The following KIF13A variants were observed in gnomAD, a reference collection of about 807,000 sequenced individuals.
KIF13A encodes kinesin-like protein KIF13A.
Under a neutral mutation model 212.2 loss-of-function variants are expected in KIF13A, and 79 were observed. The observed-to-expected ratio is 0.37, with a 90% confidence interval of 0.31 to 0.45. KIF13A has a LOEUF of 0.45. KIF13A is among the 20% of genes least tolerant of loss of function. The probability of loss-of-function intolerance (pLI) is 1.00; values close to 1 mark genes in which losing one functional copy is unlikely to be tolerated. For synonymous variants in KIF13A, 789 were observed against 808.6 expected (o/e 0.98, Z 0.41); for missense variants, 1,901 against 2,209.0 (o/e 0.86, Z 2.79).
intron 2 of KIF13A, among the ~76,000 whole-genome samples, chr6:17,966,786 CAAT>C (rs1019896936): frequency 2.6e-5 from 4 of 152,000 alleles, no homozygotes; most frequent in African/African-American, 4.8e-5. Context: ...ATTGCACGAA[CAAT>C]AATAACACAC....
At chr6:17,975,065 T>C (rs1313029431) in intron 2 of KIF13A, among the ~76,000 whole-genome samples, 1 of 152,108 alleles carries the variant, frequency 6.6e-6, no homozygotes, top group Non-Finnish European at 1.5e-5. Flanking sequence ...CATTCCCAGC[T>C]GGGCGCAGTG....
At chr6:17,903,552 T>C (rs1773234358) in intron 2 of KIF13A, among the ~76,000 whole-genome samples, 2 of 152,118 alleles carry the variant, frequency 1.3e-5, no homozygotes, top group African/African-American at 4.8e-5. Flanking sequence ...ACTTTTGAAA[T>C]ATATATTTAT....
intron 4 of KIF13A, among the ~76,000 whole-genome samples, chr6:17,869,629 T>C (rs1164987052): frequency 3.7e-5 from 2 of 54,492 alleles, no homozygotes; most frequent in African/African-American, 2.4e-4. Flanking sequence ...CCCACTACAA[T>C]GCCATTATAC....
chr6:17,769,268 TGA>T lies in KIF13A; in HGVS notation c.4581+1844_4581+1845del, dbSNP rs1356812266. ...GCACTTAATCTCTACCAAAACACCT[TGA>T]AAAACTGCTGTCTGGAATGAATTAA... is the stretch of plus-strand genomic sequence containing the variant. On this transcript the variant is annotated intron_variant, in intron 38 of 38. Coordinates refer to ENST00000259711, the MANE Select transcript of KIF13A (RefSeq NM_022113.6). This position sits in a 1 kb window ranked among gnomAD's most constrained non-coding sequence, Gnocchi z 5.8. Among the ~76,000 whole-genome samples the T allele has an allele frequency of 3.9e-5, 6 of 152,328 alleles. No homozygotes were observed. In the East Asian group the frequency reaches 5.8e-4, roughly 15 times the overall value.
In KIF13A at chr6:17,785,775, G is replaced by C; in HGVS notation, c.3362-134C>G. 2 of 921,054 alleles carry C rather than the reference G, an allele frequency of 2.2e-6. No individual in the cohort carries two copies. The highest frequency in any genetic ancestry group is 1.6e-6 in the Non-Finnish European group (1 of 608,488). 57.1% of individuals were successfully genotyped at this position (921,054 alleles called of 1,614,324 possible). On this transcript the variant is annotated intron_variant, in intron 27 of 38. Coordinates refer to ENST00000259711, the MANE Select transcript of KIF13A (RefSeq NM_022113.6). The surrounding 1 kb of genome is among the most constrained non-coding windows in gnomAD (Gnocchi z 5.8). ...CAAAAAAAAAAAAATAGTTGGGCAG[G>C]GTGGTGGTACGCATGCCTGTAGTCC...
chr6:17,836,785 A>G, intron 11 of KIF13A, 93 bp downstream of exon 11: 1 of 1,088,902 alleles, frequency 9.2e-7, no homozygotes, highest in Non-Finnish European at 1.4e-6. Context: ...AAACCATATC[A>G]GATGACCTAC....
intron 9 of KIF13A, among the ~76,000 whole-genome samples, chr6:17,840,927 T>C (rs1486231698): frequency 6.6e-6 from 1 of 152,110 alleles, no homozygotes; most frequent in African/African-American, 2.4e-5. Context: ...TCTCCCTCTC[T>C]AGCACCAAGA....
Position 17,856,236 on chromosome 6 carries a change from G to A in KIF13A, c.221-114C>T, listed in dbSNP as rs1319226382. On this transcript the variant is annotated intron_variant, in intron 4 of 38. Coordinates refer to ENST00000259711, the MANE Select transcript of KIF13A (RefSeq NM_022113.6). The surrounding 1 kb of genome is among the most constrained non-coding windows in gnomAD (Gnocchi z 4.5). ...AAAAATGTTAAAAGTGTAGTACCGA[G>A]TGCCCACTAAGTACAGGGCTGTGTA... The A allele has an allele frequency of 2.1e-5, 15 of 704,100 alleles. No individual in the cohort carries two copies. The Middle Eastern group carries it at 1.1e-3, about 53-fold the overall frequency. 43.6% of individuals were successfully genotyped at this position (704,100 alleles called of 1,614,324 possible). A position where few individuals can be genotyped will look rare whatever the true frequency, so the allele number is the denominator to read the frequency against.
chr6:17,762,791 T>G (rs1173597891), downstream of KIF13A, among the ~76,000 whole-genome samples: 1 of 152,182 alleles, frequency 6.6e-6, no homozygotes, highest in Non-Finnish European at 1.5e-5. Flanking sequence ...GGGAAGGAAG[T>G]CTTTTTCTTG....
At chr6:17,957,037 T>C (rs544165024) in intron 2 of KIF13A, among the ~76,000 whole-genome samples, 1 of 152,232 alleles carries the variant, frequency 6.6e-6, no homozygotes, top group African/African-American at 2.4e-5. Context: ...CCCACCACCA[T>C]GCCTGGCTAA....
intron 4 of KIF13A, among the ~76,000 whole-genome samples, chr6:17,862,767 T>TTAGTA (rs1554186455): frequency 6.6e-6 from 1 of 151,960 alleles, no homozygotes; most frequent in Non-Finnish European, 1.5e-5. Flanking sequence ...GCTAACATGG[T>TTAGTA]GAAATCCCAT....
rs544338147 is a variant in KIF13A, at chr6:17,844,259, C to T, written c.830+5118G>A. 5.9e-5 allele frequency among the ~76,000 whole-genome samples: 9 copies of T among 152,228 alleles called. No homozygotes were observed. In the South Asian group the frequency reaches 1.9e-3, roughly 32 times the overall value. ...AAATGGTAATAGCTACAGTATCAGCCTCATTTCCTTTCAAATTGTTTTCCA... is the reference window on the plus strand; with the variant it reads ...AAATGGTAATAGCTACAGTATCAGCTTCATTTCCTTTCAAATTGTTTTCCA... On this transcript the variant is annotated intron_variant, in intron 9 of 38. Transcript: ENST00000259711.
At position 17,872,768 on chromosome 6, in the gene KIF13A, T is replaced by TG. The variant is rs1218365447; in HGVS notation, c.220+608dup. Among the ~76,000 whole-genome samples the TG allele has an allele frequency of 6.6e-6, 1 of 152,116 alleles. No individual in the cohort carries two copies. Among genetic ancestry groups the TG allele is most frequent in the Non-Finnish European group, 1.5e-5 (1 of 68,022 alleles). ...CTCCCGCCTCAGCCTCCCAAGTAGC[T>TG]GGGATTACAGGCGCCCACCACCACA... On this transcript the variant is annotated intron_variant, in intron 4 of 38. Coordinates refer to ENST00000259711, the MANE Select transcript of KIF13A (RefSeq NM_022113.6). This position sits in a 1 kb window ranked among gnomAD's most constrained non-coding sequence, Gnocchi z 4.7.
chr6:17,981,599 A>AT (rs1231054011), intron 2 of KIF13A, among the ~76,000 whole-genome samples: 1 of 151,168 alleles, frequency 6.6e-6, no homozygotes, highest in East Asian at 1.9e-4. Flanking sequence ...AATTTTTTGT[A>AT]TTTTAGTAGA....
chr6:17,858,081 ATGTGTGTGTGTGTGTGTGTG>A (rs58092993), intron 4 of KIF13A, among the ~76,000 whole-genome samples: 4 of 144,584 alleles, frequency 2.8e-5, no homozygotes, highest in African/African-American at 5.3e-5. Flanking sequence ...TCAAATAGTT[ATGTGTGTGTGTGTGTGTGTG>A]TGTGTGTGTG....
intron 16 of KIF13A, among the ~76,000 whole-genome samples, chr6:17,822,121 G>A (rs531160141): frequency 5.4e-5 from 8 of 149,494 alleles, no homozygotes; most frequent in East Asian, 2.0e-4. Context: ...CTCTAACTGC[G>A]GCCTCCACCT....
chr6:17,953,661 C>G (rs1358273252), intron 2 of KIF13A: 1 of 161,138 alleles, frequency 6.2e-6, no homozygotes, highest in Admixed American at 6.3e-5. Flanking sequence ...ACAAAGCTGG[C>G]AACTTTAGAC....
At chr6:17,893,396 TA>T (rs1363022799) in intron 3 of KIF13A, among the ~76,000 whole-genome samples, 5 of 152,246 alleles carry the variant, frequency 3.3e-5, no homozygotes, top group African/African-American at 1.2e-4. Flanking sequence ...TTTTGATGGT[TA>T]AAAATTTTAT....
At position 17,918,132 on chromosome 6, in the gene KIF13A, A is replaced by C. The variant is rs561570809; in HGVS notation, c.147-19952T>G. On this transcript the variant is annotated intron_variant, in intron 2 of 38. Transcript: ENST00000259711. This position sits in a 1 kb window ranked among gnomAD's most constrained non-coding sequence, Gnocchi z 4.8. Reference sequence around the variant, plus strand: ...GCCTAGGTCTGCCCTGCTTGGTGTCATGGACCCCACACCAGGCACATGGTA... The same window carrying C: ...GCCTAGGTCTGCCCTGCTTGGTGTCCTGGACCCCACACCAGGCACATGGTA... 1.1e-4 allele frequency among the ~76,000 whole-genome samples: 16 copies of C among 152,026 alleles called. 1 individual carries two copies. In the South Asian group the frequency reaches 3.3e-3, roughly 32 times the overall value.
Sources: allele counts gnomAD v4.1 joint callset (sites outside exome capture counted in the v4.1 genomes callset), GRCh38; gene constraint gnomAD v4.1.1; non-coding constraint Gnocchi (gnomAD v3.1); transcripts MANE v1.5; gene names NCBI Gene and HGNC (gene_info 2026-07-23, HGNC 2026-07-21).